Variants in TENM4 observed in about 807,000 individuals in gnomAD.
The protein encoded by TENM4 is teneurin-4.
Under a neutral mutation model 243.3 loss-of-function variants are expected in TENM4, and 82 were observed. The ratio of observed to expected loss-of-function variants is 0.34; its 90% confidence interval spans 0.28 to 0.40. The LOEUF (loss-of-function observed/expected upper bound fraction) is 0.40, where lower values mean the gene tolerates loss of function less well. Among genes scored for constraint, TENM4 ranks in the 10% least tolerant of loss-of-function variants. TENM4 has a pLI of 1.00. For synonymous variants in TENM4, 1,412 were observed against 1,456.3 expected (o/e 0.97, Z 0.69); for missense variants, 3,138 against 3,673.3 (o/e 0.85, Z 3.77).
chr11:78,745,370 G>C (rs909105663), intron 19 of TENM4, among the ~76,000 whole-genome samples: 1 of 152,004 alleles, frequency 6.6e-6, no homozygotes, highest in Non-Finnish European at 1.5e-5. Flanking sequence ...GGGATTAAAG[G>C]TGTGCACCAC....
intron 1 of TENM4, among the ~76,000 whole-genome samples, chr11:79,408,196 G>A (rs1858614460): frequency 1.3e-5 from 2 of 152,202 alleles, no homozygotes; most frequent in African/African-American, 4.8e-5. Flanking sequence ...AAGCCACCAT[G>A]CTGGGCCAAC....
intron 6 of TENM4, among the ~76,000 whole-genome samples, chr11:79,030,273 A>C (rs1174707751): frequency 6.6e-6 from 1 of 152,118 alleles, no homozygotes; most frequent in East Asian, 1.9e-4. Context: ...TCATATATAT[A>C]AAGGGAAATT....
At chr11:78,980,204 T>C (rs947215489) in intron 6 of TENM4, among the ~76,000 whole-genome samples, 4 of 152,238 alleles carry the variant, frequency 2.6e-5, no homozygotes, top group South Asian at 2.1e-4. Context: ...ATAATAATTG[T>C]TGTTACTATT....
rs140728427 is a variant in TENM4, at chr11:79,185,189, T to C, written c.-163+30619A>G. Among the ~76,000 whole-genome samples, 640 of 152,156 alleles carry C rather than the reference T, an allele frequency of 4.2e-3. 7 individuals carry two copies. The highest frequency in any genetic ancestry group is 0.013 in the African/African-American group (560 of 41,514). ...GGCACATGCCTGCAGTCCCATCTAC[T>C]TGAGAGGCTGAGGTGGGGGGATTGT... On this transcript the variant is annotated intron_variant, in intron 3 of 33. Transcript: ENST00000278550.
chr11:79,340,428 C>T (rs1040594997), intron 1 of TENM4, among the ~76,000 whole-genome samples: 7 of 152,088 alleles, frequency 4.6e-5, no homozygotes, highest in African/African-American at 1.7e-4. Flanking sequence ...CTCTTGATGG[C>T]CAGACATACA....
chr11:78,934,847 T>C (rs551738966), intron 6 of TENM4, among the ~76,000 whole-genome samples: 38 of 151,318 alleles, frequency 2.5e-4, no homozygotes, highest in Middle Eastern at 3.4e-3. Context: ...AAACTAGACA[T>C]ACTATATGCA....
chr11:78,657,406 T>C lies in TENM4; in HGVS notation c.*652A>G. 2 of 391,094 alleles carry C rather than the reference T, an allele frequency of 5.1e-6. No homozygotes were observed. The highest frequency in any genetic ancestry group is 9.0e-6 in the Non-Finnish European group (2 of 222,006). The allele number at this position is 391,094 out of a possible 1,614,324, so 24.2% of individuals were successfully genotyped here. A position where few individuals can be genotyped will look rare whatever the true frequency, so the allele number is the denominator to read the frequency against. On this transcript the variant is annotated 3_prime_UTR_variant, in exon 34 of 34. Coordinates refer to ENST00000278550, the MANE Select transcript of TENM4 (RefSeq NM_001098816.3). Reference sequence around the variant, plus strand: ...TCATTCAGCATCAAAATAGAAAGCTTGAACAGGAGTTTGGGGCAGCTTAAA... The same window carrying C: ...TCATTCAGCATCAAAATAGAAAGCTCGAACAGGAGTTTGGGGCAGCTTAAA...
intron 6 of TENM4, among the ~76,000 whole-genome samples, chr11:79,053,173 G>C (rs548983051): frequency 6.6e-6 from 1 of 152,162 alleles, no homozygotes; most frequent in Non-Finnish European, 1.5e-5. Context: ...GATTCTTAAA[G>C]TCAAAATTTG....
At chr11:79,265,763 G>T (rs1165522849) in intron 2 of TENM4, among the ~76,000 whole-genome samples, 1 of 152,082 alleles carries the variant, frequency 6.6e-6, no homozygotes, top group African/African-American at 2.4e-5. Context: ...CAGCATGAGA[G>T]ATGGGGAGGA....
chr11:78,911,635 A>G (rs1270708689), intron 6 of TENM4, among the ~76,000 whole-genome samples: 2 of 152,210 alleles, frequency 1.3e-5, no homozygotes, highest in Non-Finnish European at 2.9e-5. Context: ...AGACAAAACC[A>G]TCAGGGTGGG....
chr11:79,224,711 G>T (rs956132991), intron 2 of TENM4, among the ~76,000 whole-genome samples: 1 of 152,208 alleles, frequency 6.6e-6, no homozygotes, highest in African/African-American at 2.4e-5. Context: ...AACACTTTGG[G>T]AGGCCGAGGC....
chr11:78,910,615 T>C (rs767722120), intron 6 of TENM4, among the ~76,000 whole-genome samples: 1 of 152,214 alleles, frequency 6.6e-6, no homozygotes, highest in Non-Finnish European at 1.5e-5. Context: ...GTCAAATGTG[T>C]ATGAAAGCAC....
intron 10 of TENM4, among the ~76,000 whole-genome samples, chr11:78,862,352 A>G (rs1858843787): frequency 6.6e-6 from 1 of 152,200 alleles, no homozygotes; most frequent in Admixed American, 6.5e-5. Flanking sequence ...TAATTATCTT[A>G]CAGGATCTCT....
chr11:78,692,562 T>C (rs964901529), intron 28 of TENM4, among the ~76,000 whole-genome samples: 4 of 152,148 alleles, frequency 2.6e-5, no homozygotes, highest in African/African-American at 9.7e-5. Context: ...GAATGTCAAC[T>C]CCCTGAGGGC....
intron 1 of TENM4, among the ~76,000 whole-genome samples, chr11:79,380,163 A>G (rs1857972245): frequency 6.6e-6 from 1 of 152,206 alleles, no homozygotes; most frequent in African/African-American, 2.4e-5. Context: ...TGATGGCAAC[A>G]TCTCCAGAAA....
chr11:79,353,466 T>G (rs989681657), intron 1 of TENM4, among the ~76,000 whole-genome samples: 4 of 152,166 alleles, frequency 2.6e-5, no homozygotes, highest in Non-Finnish European at 4.4e-5. Flanking sequence ...AAAATAGTTT[T>G]CGCCTTGAAC....
intron 1 of TENM4, among the ~76,000 whole-genome samples, chr11:79,355,419 G>A (rs534528924): frequency 6.6e-6 from 1 of 152,234 alleles, no homozygotes; most frequent in South Asian, 2.1e-4. Context: ...TGTAATCCCA[G>A]CTACTCGGGA....
chr11:79,181,898 G>A (rs1455157856), intron 3 of TENM4, among the ~76,000 whole-genome samples: 1 of 150,030 alleles, frequency 6.7e-6, no homozygotes, highest in Non-Finnish European at 1.5e-5. Context: ...GACAAAATAT[G>A]TACAATATCT....
chr11:78,966,193 T>TAA (rs34603312), intron 6 of TENM4, among the ~76,000 whole-genome samples: 36 of 131,604 alleles, frequency 2.7e-4, no homozygotes, highest in African/African-American at 8.6e-4. Flanking sequence ...AAAGGAAAAT[T>TAA]AAAAAAAAAA....
Sources: allele counts gnomAD v4.1 joint callset (sites outside exome capture counted in the v4.1 genomes callset), GRCh38; gene constraint gnomAD v4.1.1; transcripts MANE v1.5; gene names NCBI Gene and HGNC (gene_info 2026-07-23, HGNC 2026-07-21).